Variants in GRID1 observed in about 807,000 individuals in gnomAD.
The protein encoded by GRID1 is glutamate receptor ionotropic, delta-1.
Under a neutral mutation model 98.0 loss-of-function variants are expected in GRID1, and 28 were observed. The ratio of observed to expected loss-of-function variants is 0.29; its 90% CI spans 0.21 to 0.39. The LOEUF (loss-of-function observed/expected upper bound fraction) is 0.39, where lower values mean the gene tolerates loss of function less well. GRID1 is among the 10% of genes least tolerant of loss of function. The pLI, the probability that GRID1 is intolerant of heterozygous loss-of-function variation, is 1.00. For missense variants in GRID1, 1,111 were observed against 1,340.5 expected, an observed-to-expected ratio of 0.83 and a Z score of 2.67; for synonymous variants, 553 against 538.5, an observed-to-expected ratio of 1.03 and a Z score of -0.37.
intron 4 of GRID1, among the ~76,000 whole-genome samples, chr10:85,952,578 T>G (rs1422518749): frequency 6.6e-6 from 1 of 152,190 alleles, no homozygotes; most frequent in East Asian, 1.9e-4. Flanking sequence ...TTTTTGTGTT[T>G]GTGTTTTTTT....
At chr10:86,161,042 G>A (rs1342199312) in intron 3 of GRID1, among the ~76,000 whole-genome samples, 1 of 152,158 alleles carries the variant, frequency 6.6e-6, no homozygotes, top group Non-Finnish European at 1.5e-5. Context: ...TACCCAGCTG[G>A]CTCTCAGGAA....
intron 3 of GRID1, among the ~76,000 whole-genome samples, chr10:86,189,165 T>C (rs1044503235): frequency 6.6e-6 from 1 of 152,198 alleles, no homozygotes; most frequent in Non-Finnish European, 1.5e-5. Flanking sequence ...TCAGATATTA[T>C]GTGACCCTGG....
chr10:85,843,241 A>G (rs923156028), intron 8 of GRID1, among the ~76,000 whole-genome samples: 69 of 150,610 alleles, frequency 4.6e-4, no homozygotes, highest in African/African-American at 1.5e-3. Flanking sequence ...ACCTATAGGG[A>G]AAAAAAAATG....
At chr10:85,930,543 AG>A (rs1316915798) in intron 4 of GRID1, among the ~76,000 whole-genome samples, 1 of 152,046 alleles carries the variant, frequency 6.6e-6, no homozygotes, top group Non-Finnish European at 1.5e-5. Flanking sequence ...TTGGATGAGC[AG>A]GGGCTGTCAT....
At chr10:85,656,078 T>G (rs1840891989) in intron 12 of GRID1, among the ~76,000 whole-genome samples, 2 of 152,170 alleles carry the variant, frequency 1.3e-5, no homozygotes, top group South Asian at 4.1e-4. Context: ...ACTGCCTCCA[T>G]TACCCTCTTC....
At chr10:85,683,745 C>A (rs1350221107) in intron 12 of GRID1, among the ~76,000 whole-genome samples, 2 of 152,202 alleles carry the variant, frequency 1.3e-5, no homozygotes, top group African/African-American at 4.8e-5. Context: ...AACCTTTCTA[C>A]ATTGAAAACT....
intron 12 of GRID1, among the ~76,000 whole-genome samples, chr10:85,667,730 G>A (rs1841038853): frequency 6.6e-6 from 1 of 152,210 alleles, no homozygotes; most frequent in African/African-American, 2.4e-5. Flanking sequence ...CTAGCACATG[G>A]TAGGTGGTCA....
chr10:85,767,693 C>G (rs1452550009), intron 8 of GRID1, among the ~76,000 whole-genome samples: 1 of 152,286 alleles, frequency 6.6e-6, no homozygotes, highest in East Asian at 1.9e-4. Context: ...TTTGTCTTTT[C>G]ATATGCTTGA....
intron 5 of GRID1, among the ~76,000 whole-genome samples, chr10:85,897,082 G>T (rs979507021): frequency 6.6e-6 from 1 of 152,136 alleles, no homozygotes; most frequent in Non-Finnish European, 1.5e-5. Context: ...AAATCTCAAT[G>T]AGGCAAAATA....
At chr10:86,267,319 T>C (rs1333777338) in intron 2 of GRID1, among the ~76,000 whole-genome samples, 1 of 152,238 alleles carries the variant, frequency 6.6e-6, no homozygotes, top group Non-Finnish European at 1.5e-5. Flanking sequence ...GAGGCTCTGC[T>C]GTCTCTGATC....
intron 5 of GRID1, among the ~76,000 whole-genome samples, chr10:85,880,155 G>A (rs982252455): frequency 1.6e-4 from 24 of 152,096 alleles, no homozygotes; most frequent in African/African-American, 4.6e-4. Context: ...AAAAAAGTCC[G>A]GGACCAGATG....
At chr10:85,786,885 G>C (rs1331029238) in intron 8 of GRID1, among the ~76,000 whole-genome samples, 1 of 152,104 alleles carries the variant, frequency 6.6e-6, no homozygotes, top group Non-Finnish European at 1.5e-5. Flanking sequence ...TGGTGGGAGG[G>C]AGAAGCTTTC....
intron 2 of GRID1, among the ~76,000 whole-genome samples, chr10:86,352,130 G>A (rs1848472184): frequency 6.6e-6 from 1 of 152,194 alleles, no homozygotes; most frequent in Non-Finnish European, 1.5e-5. Flanking sequence ...GTGAAACCCC[G>A]TCTCTACTAA....
chr10:85,675,251 A>G (rs1841131763), intron 12 of GRID1, among the ~76,000 whole-genome samples: 1 of 152,186 alleles, frequency 6.6e-6, no homozygotes, highest in South Asian at 2.1e-4. Context: ...GGAGGGATTG[A>G]TGAGGCACAT....
intron 4 of GRID1, among the ~76,000 whole-genome samples, chr10:86,135,129 G>A (rs909120283): frequency 2.0e-5 from 3 of 152,214 alleles, no homozygotes; most frequent in Admixed American, 6.5e-5. Context: ...CAATTGCATG[G>A]GCCATGATCC....
rs1220249442 is a variant in GRID1, at chr10:85,599,788, T to TAAAAAAAAAAAAAAAAAAAAA, written c.*2484_*2485insTTTTTTTTTTTTTTTTTTTTT. The TAAAAAAAAAAAAAAAAAAAAA allele has an allele frequency of 2.5e-4, 19 of 76,092 alleles. No homozygotes were observed. The highest frequency in any genetic ancestry group is 5.1e-4 in the African/African-American group (6 of 11,728). The allele number at this position is 76,092 out of a possible 1,614,324, so 4.7% of individuals were successfully genotyped here. The stretch of plus-strand genomic sequence containing the variant: ...CCCTCATGCCAAGGGTAGAAAATTC[T>TAAAAAAAAAAAAAAAAAAAAA]AAAAAAAAAAAAAAATATATATATA... On this transcript the variant is annotated 3_prime_UTR_variant, in exon 16 of 16. Transcript: ENST00000327946.
chr10:86,006,392 G>A (rs1037143183), intron 4 of GRID1, among the ~76,000 whole-genome samples: 2 of 152,160 alleles, frequency 1.3e-5, no homozygotes, highest in African/African-American at 4.8e-5. Flanking sequence ...AGGCCGAGGT[G>A]AGCGGATCAT....
chr10:86,091,492 G>C (rs1478664216), intron 4 of GRID1, among the ~76,000 whole-genome samples: 1 of 152,006 alleles, frequency 6.6e-6, no homozygotes, highest in African/African-American at 2.4e-5. Flanking sequence ...CTGGCCCAAG[G>C]AGAGTCTGAG....
chr10:85,882,053 C>T lies in GRID1; in HGVS notation c.781-12873G>A, dbSNP rs544908729. On this transcript the variant is annotated intron_variant, in intron 5 of 15. Coordinates refer to ENST00000327946, the MANE Select transcript of GRID1 (RefSeq NM_017551.3). ...ATCATCACTGGCCATCAGAGAAATG[C>T]AAATCAAAACCACAATGAGATACCA... is the stretch of plus-strand genomic sequence containing the variant. 2.0e-5 allele frequency among the ~76,000 whole-genome samples: 3 copies of T among 152,312 alleles called. No individual in the cohort carries two copies. The East Asian group carries it at 5.8e-4, about 29-fold the overall frequency.
Sources: allele counts gnomAD v4.1 joint callset (sites outside exome capture counted in the v4.1 genomes callset), GRCh38; gene constraint gnomAD v4.1.1; transcripts MANE v1.5; gene names NCBI Gene and HGNC (gene_info 2026-07-23, HGNC 2026-07-21).